Variants in IQSEC1 observed in about 807,000 individuals in gnomAD.
IQSEC1 encodes IQ motif and Sec7 domain ArfGEF 1.
In IQSEC1, 31 loss-of-function variants were observed where a neutral mutation model predicts 91.0. The observed-to-expected ratio is 0.34, with a 90% CI of 0.26 to 0.46. The LOEUF is 0.46. IQSEC1 is among the 20% of genes least tolerant of loss of function. The pLI is 1.00. For synonymous variants in IQSEC1, 699 were observed against 662.6 expected (o/e 1.05, Z -0.84); for missense variants, 1,388 against 1,575.6 (o/e 0.88, Z 2.02).
intron 1 of IQSEC1, among the ~76,000 whole-genome samples, chr3:13,245,758 C>A (rs1254415699): frequency 7.1e-6 from 1 of 140,932 alleles, no homozygotes. Context: ...CAGAGCCAGA[C>A]CCTGTTTCAA....
intron 1 of IQSEC1, among the ~76,000 whole-genome samples, chr3:12,955,261 C>CT (rs1191408006): frequency 6.6e-6 from 1 of 152,240 alleles, no homozygotes; most frequent in Non-Finnish European, 1.5e-5. Flanking sequence ...TGAGAATGCC[C>CT]TGGGCTCAGC....
intron 2 of IQSEC1, among the ~76,000 whole-genome samples, chr3:13,128,675 C>G (rs192399553): frequency 6.6e-6 from 1 of 152,032 alleles, no homozygotes; most frequent in Non-Finnish European, 1.5e-5. Flanking sequence ...ACCATCCTGG[C>G]TAACATGGTG....
intron 1 of IQSEC1, among the ~76,000 whole-genome samples, chr3:13,258,576 C>A (rs1695330566): frequency 6.6e-6 from 1 of 152,034 alleles, no homozygotes; most frequent in Non-Finnish European, 1.5e-5. Context: ...GTCCCAGCCA[C>A]TCAGGAGGCT....
At chr3:13,136,121 G>C (rs1309096040) in intron 2 of IQSEC1, among the ~76,000 whole-genome samples, 1 of 152,200 alleles carries the variant, frequency 6.6e-6, no homozygotes, top group Non-Finnish European at 1.5e-5. Context: ...AAGCAGGGGA[G>C]GGAGAAGACA....
chr3:13,258,740 A>G (rs1695332893), intron 1 of IQSEC1, among the ~76,000 whole-genome samples: 1 of 152,230 alleles, frequency 6.6e-6, no homozygotes, highest in African/African-American at 2.4e-5. Flanking sequence ...AACCCAGAGA[A>G]GATAATGGAA....
rs555544535 is a variant in IQSEC1 at position 13,218,940 on chromosome 3, T to G, written c.273-54807A>C. ...CCAAATCACCCATAATGCCTCCTTT[T>G]CCCTCACCTACTCAATGCCACCCAC... is the stretch of plus-strand genomic sequence containing the variant. On this transcript the variant is annotated intron_variant, in intron 1 of 15. Transcript: ENST00000648114. Among the ~76,000 whole-genome samples, 12 of 152,202 alleles carry G rather than the reference T, an allele frequency of 7.9e-5. No homozygotes were observed. The South Asian group carries it at 2.5e-3, about 32-fold the overall frequency.
chr3:13,007,526 T>G (rs187168282), intron 1 of IQSEC1, among the ~76,000 whole-genome samples: 2 of 152,342 alleles, frequency 1.3e-5, no homozygotes, highest in Admixed American at 1.3e-4. Flanking sequence ...GGCAAGGAAC[T>G]TGCGCGAGTC....
At chr3:13,104,635 A>G (rs73014664) in intron 2 of IQSEC1, among the ~76,000 whole-genome samples, 7,679 of 150,240 alleles carry the variant, frequency 0.051, 267 homozygotes, top group Non-Finnish European at 0.074. Flanking sequence ...TCCCTCCCCC[A>G]CCTCTCCCCC....
At chr3:13,126,496 T>G (rs1313116170) in intron 2 of IQSEC1, among the ~76,000 whole-genome samples, 1 of 152,252 alleles carries the variant, frequency 6.6e-6, no homozygotes, top group East Asian at 1.9e-4. Flanking sequence ...GTGTGCAAGT[T>G]TTCTGTGTGG....
rs949761161 is a variant in IQSEC1, at chr3:13,259,958, G to A, written c.272+22753C>T. Reference sequence around the variant, plus strand: ...TCTGCTTTCAAAATATGACTAATTAGAACAGTCGTGCTGGCAGGCAGACTT... The same window carrying A: ...TCTGCTTTCAAAATATGACTAATTAAAACAGTCGTGCTGGCAGGCAGACTT... On this transcript the variant is annotated intron_variant, in intron 1 of 15. Coordinates refer to the IQSEC1 transcript ENST00000648114. This position sits in a 1 kb window ranked among gnomAD's most constrained non-coding sequence, Gnocchi z 4.6. Among the ~76,000 whole-genome samples the A allele has an allele frequency of 6.6e-6, 1 of 152,250 alleles. No homozygotes were observed. Among genetic ancestry groups the A allele is most frequent in the Non-Finnish European group, 1.5e-5 (1 of 68,046 alleles).
intron 1 of IQSEC1, among the ~76,000 whole-genome samples, chr3:12,972,193 C>T (rs140852844): frequency 3.4e-4 from 52 of 151,418 alleles, no homozygotes; most frequent in African/African-American, 1.1e-3. Flanking sequence ...TGCCTGTAGT[C>T]GCAGCTACTC....
chr3:13,062,182 A>G (rs1466324452), intron 1 of IQSEC1, among the ~76,000 whole-genome samples: 1 of 152,156 alleles, frequency 6.6e-6, no homozygotes, highest in Non-Finnish European at 1.5e-5. Flanking sequence ...CCTGATGGAT[A>G]CACCATTACA....
rs565446230 is a variant in IQSEC1, at chr3:12,906,503, C to T, written c.2755+1846G>A. ...GACTCAAACCCCACCTCGCTTCACCCCCAAACCTTTCGGGGTACAGGGGGG... is the reference window on the plus strand; with the variant it reads ...GACTCAAACCCCACCTCGCTTCACCTCCAAACCTTTCGGGGTACAGGGGGG... On this transcript the variant is annotated intron_variant, in intron 12 of 13. Coordinates refer to ENST00000613206, the MANE Select transcript of IQSEC1 (RefSeq NM_001134382.3). 6.2e-3 allele frequency among the ~76,000 whole-genome samples: 944 copies of T among 152,350 alleles called. 11 individuals carry two copies. The highest frequency in any genetic ancestry group is 0.02 in the African/African-American group (838 of 41,576).
At chr3:13,234,786 T>C (rs139894998) in intron 1 of IQSEC1, among the ~76,000 whole-genome samples, 16 of 152,334 alleles carry the variant, frequency 1.1e-4, no homozygotes, top group Non-Finnish European at 2.1e-4. Context: ...GTTCCTTAAT[T>C]CTTTCCTGGA....
At chr3:13,236,900 C>T (rs1259911475) in intron 1 of IQSEC1, among the ~76,000 whole-genome samples, 2 of 139,646 alleles carry the variant, frequency 1.4e-5, no homozygotes, top group Non-Finnish European at 3.3e-5. Context: ...CAACAAAATG[C>T]CCCCCTCCAG....
intron 1 of IQSEC1, among the ~76,000 whole-genome samples, chr3:13,241,121 C>T (rs1424032589): frequency 6.6e-6 from 1 of 152,154 alleles, no homozygotes; most frequent in African/African-American, 2.4e-5. Context: ...TGTCCACGGG[C>T]CCACTGCAGG....
At chr3:13,118,306 T>C (rs1706368918) in intron 2 of IQSEC1, among the ~76,000 whole-genome samples, 2 of 152,226 alleles carry the variant, frequency 1.3e-5, no homozygotes, top group Non-Finnish European at 2.9e-5. Context: ...ATTCTACTTC[T>C]GGGTATAGAC....
At chr3:13,017,725 A>T (rs1039905160) in intron 1 of IQSEC1, among the ~76,000 whole-genome samples, 2 of 152,252 alleles carry the variant, frequency 1.3e-5, no homozygotes, top group Middle Eastern at 3.4e-3. Context: ...AGTCACTAGC[A>T]GAGATGGGAA....
chr3:13,181,966 T>C (rs920142455), intron 1 of IQSEC1, among the ~76,000 whole-genome samples: 1 of 152,234 alleles, frequency 6.6e-6, no homozygotes, highest in African/African-American at 2.4e-5. Context: ...GGACCTACAG[T>C]GATGGCCAGT....
Sources: gnomAD v4.1 joint callset for allele counts (sites outside exome capture counted in the v4.1 genomes callset) on GRCh38, gnomAD v4.1.1 for gene constraint, Gnocchi (gnomAD v3.1) non-coding constraint, MANE v1.5 for transcripts, NCBI Gene and HGNC (gene_info 2026-07-23, HGNC 2026-07-21) for gene names.